CLIC5: variants seen among roughly 807,000 people sequenced by gnomAD.
The protein encoded by CLIC5 is chloride intracellular channel protein 5.
In CLIC5, 20 loss-of-function variants were observed where a neutral mutation model predicts 24.7. That is an observed-to-expected ratio of 0.81 (90% CI 0.57 to 1.18). The LOEUF (loss-of-function observed/expected upper bound fraction) is 1.18. CLIC5 is among the 50% of genes most tolerant of loss of function. The pLI is 0.00. For synonymous variants in CLIC5, 159 were observed against 135.6 expected (o/e 1.17, Z -1.20); for missense variants, 341 against 326.1 (o/e 1.05, Z -0.35).
At chr6:45,992,694 A>G (rs1367233085) in intron 1 of CLIC5, among the ~76,000 whole-genome samples, 1 of 152,146 alleles carries the variant, frequency 6.6e-6, no homozygotes, top group Admixed American at 6.5e-5. Context: ...CCCTATTTTC[A>G]TTATCACCTC....
At chr6:45,968,244 T>C (rs1765081239) in intron 1 of CLIC5, among the ~76,000 whole-genome samples, 1 of 152,198 alleles carries the variant, frequency 6.6e-6, no homozygotes, top group African/African-American at 2.4e-5. Context: ...TCCCCACTTG[T>C]ATCTCTCAAT....
At chr6:46,108,032 CAAA>C in the CLIC5 span, among the ~76,000 whole-genome samples, 2 of 33,288 alleles carry the variant, frequency 6.0e-5, no homozygotes, top group East Asian at 9.0e-4. Flanking sequence ...AAAACTCCAT[CAAA>C]AAAAAAAAAA....
At position 45,901,010 on chromosome 6, in the gene CLIC5, C is replaced by G. The variant is rs550136332; in HGVS notation, c.*2078G>C. 4.1e-4 allele frequency: 63 copies of G among 152,286 alleles called. No individual in the cohort carries two copies. Among genetic ancestry groups the G allele is most frequent in the Middle Eastern group, 3.4e-3 (1 of 294 alleles). The allele number at this position is 152,286 out of a possible 1,614,324, so 9.4% of individuals were successfully genotyped here. A position where few individuals can be genotyped will look rare whatever the true frequency, so the allele number is the denominator to read the frequency against. On this transcript the variant is annotated 3_prime_UTR_variant, in exon 6 of 6. Coordinates refer to ENST00000339561, the MANE Select transcript of CLIC5 (RefSeq NM_016929.5). ...CAGATGTGTTTCCAGAACAGCCCAA[C>G]TGTGGGTCTCAGGGAAGTAAACTGC...
chr6:46,013,886 G>T (rs1766894220), intron 1 of CLIC5, among the ~76,000 whole-genome samples: 1 of 152,212 alleles, frequency 6.6e-6, no homozygotes. Flanking sequence ...CTTTGTTAAA[G>T]CTCTCCCTAT....
chr6:46,102,384 G>T, the CLIC5 span, among the ~76,000 whole-genome samples: 1 of 152,178 alleles, frequency 6.6e-6, no homozygotes, highest in Admixed American at 6.5e-5. Flanking sequence ...GGCCCTCTAT[G>T]GAATGGAGGT....
chr6:45,949,360 G>A lies in CLIC5; in HGVS notation c.195C>T (p.Asn65=), dbSNP rs762158908. The A allele has an allele frequency of 3.2e-5, 51 of 1,613,720 alleles. 1 individual carries two copies. The highest frequency in any genetic ancestry group is 4.3e-5 in the Non-Finnish European group (51 of 1,179,814). ...DLKRKPADLH[N]LAPGTHPPFL... is the part of the protein sequence containing the mutation. Reference sequence around the variant, plus strand: ...AGGGCGGGTGCGTGCCGGGGGCTAGGTTGTGCAGGTCAGCTGGCTTTCTGT... The same window carrying A: ...AGGGCGGGTGCGTGCCGGGGGCTAGATTGTGCAGGTCAGCTGGCTTTCTGT... The change falls in exon 3 of 6, where the codon AAC becomes AAT. Residue 65 remains asparagine, a synonymous_variant. Transcript: ENST00000339561.
At chr6:46,070,512 C>T (rs796181337) in intron 1 of CLIC5, among the ~76,000 whole-genome samples, 23 of 152,124 alleles carry the variant, frequency 1.5e-4, no homozygotes, top group African/African-American at 5.3e-4. Context: ...ATACAGCTAA[C>T]CAGACAGGTG....
At chr6:46,004,051 G>A (rs1338474) in intron 1 of CLIC5, among the ~76,000 whole-genome samples, 50,332 of 152,008 alleles carry the variant, frequency 0.33, 8,537 homozygotes, top group Middle Eastern at 0.45. Context: ...ACAGAATATG[G>A]GAAATAACGC....
intron 1 of CLIC5, among the ~76,000 whole-genome samples, chr6:45,964,084 A>G (rs1477445613): frequency 6.6e-6 from 1 of 152,148 alleles, no homozygotes; most frequent in Admixed American, 6.5e-5. Flanking sequence ...AATATTATCA[A>G]CCTTCACCAT....
the CLIC5 span, among the ~76,000 whole-genome samples, chr6:46,119,688 G>A: frequency 6.6e-6 from 1 of 152,262 alleles, no homozygotes; most frequent in African/African-American, 2.4e-5. Context: ...TCATAGCCAA[G>A]CAAGGCTGTG....
At chr6:46,112,639 A>C in the CLIC5 span, among the ~76,000 whole-genome samples, 22 of 152,336 alleles carry the variant, frequency 1.4e-4, no homozygotes, top group Non-Finnish European at 2.5e-4. Context: ...TTTCTCTTGC[A>C]GAGATTTAAT....
At chr6:45,976,751 CTCTG>C (rs1765398709) in intron 1 of CLIC5, among the ~76,000 whole-genome samples, 3 of 152,182 alleles carry the variant, frequency 2.0e-5, no homozygotes, top group Non-Finnish European at 4.4e-5. Flanking sequence ...TCACTCCAGA[CTCTG>C]TCTAAATATT....
chr6:45,939,092 C>T (rs186437880), intron 4 of CLIC5, among the ~76,000 whole-genome samples: 1 of 152,260 alleles, frequency 6.6e-6, no homozygotes, highest in East Asian at 1.9e-4. Flanking sequence ...TAGTAGGTGT[C>T]CTTCCTTGCC....
intron 1 of CLIC5, among the ~76,000 whole-genome samples, chr6:45,969,669 C>T (rs1387219839): frequency 5.3e-5 from 8 of 152,076 alleles, no homozygotes; most frequent in Non-Finnish European, 5.9e-5. Flanking sequence ...AAGTCATCTT[C>T]GAGAGATGTT....
chr6:46,079,185 T>C (rs1762853608), intron 1 of CLIC5, among the ~76,000 whole-genome samples: 1 of 152,218 alleles, frequency 6.6e-6, no homozygotes, highest in South Asian at 2.1e-4. Context: ...AGTGTCTTAC[T>C]ACTACTGAAA....
At chr6:46,032,955 T>C (rs896204803) in intron 1 of CLIC5, among the ~76,000 whole-genome samples, 1 of 150,864 alleles carries the variant, frequency 6.6e-6, no homozygotes, top group Non-Finnish European at 1.5e-5. Flanking sequence ...AAATATTGAA[T>C]CTAAGGGTAG....
chr6:46,027,953 T>C (rs1352993137), intron 1 of CLIC5, among the ~76,000 whole-genome samples: 2 of 152,208 alleles, frequency 1.3e-5, no homozygotes, highest in Non-Finnish European at 2.9e-5. Context: ...TGTCACCTCG[T>C]AAATGGAATC....
In CLIC5 at chr6:46,054,762, C is replaced by T. The variant is rs114918380; in HGVS notation, c.540+24941G>A. ...CTTTCATTTCCATGTGGAGATACAG[C>T]AAGACGGTGGCTGTCTGCAAGCCAG... On this transcript the variant is annotated intron_variant, in intron 1 of 5. Coordinates refer to the CLIC5 transcript ENST00000185206. 2.1e-3 allele frequency among the ~76,000 whole-genome samples: 318 copies of T among 152,314 alleles called. 1 individual carries two copies. Among genetic ancestry groups the T allele is most frequent in the Non-Finnish European group, 3.3e-3 (222 of 68,034 alleles).
chr6:46,121,744 A>C, the CLIC5 span, among the ~76,000 whole-genome samples: 2 of 152,226 alleles, frequency 1.3e-5, no homozygotes, highest in Non-Finnish European at 2.9e-5. Flanking sequence ...AGATCTACCA[A>C]GCAAATGAAA....
Sources: allele counts gnomAD v4.1 joint callset (sites outside exome capture counted in the v4.1 genomes callset), GRCh38; gene constraint gnomAD v4.1.1; transcripts MANE v1.5; gene names NCBI Gene and HGNC (gene_info 2026-07-23, HGNC 2026-07-21).